The following ARSB variants were observed in gnomAD, a reference collection of about 807,000 sequenced individuals.
ARSB encodes N-acetylgalactosamine-4-sulfatase.
A neutral mutation model predicts 50.9 loss-of-function variants in ARSB; 41 were observed. The ratio of observed to expected loss-of-function variants is 0.81; its 90% CI spans 0.63 to 1.04. The LOEUF (loss-of-function observed/expected upper bound fraction) is 1.04. Ranked by LOEUF, ARSB falls within the 50% of genes least tolerant of loss-of-function variation. The pLI, the probability that ARSB is intolerant of heterozygous loss-of-function variation, is 0.00. For synonymous variants in ARSB, 269 were observed against 284.8 expected (o/e 0.94, Z 0.56); for missense variants, 672 against 693.3 (o/e 0.97, Z 0.35).
intron 1 of ARSB, among the ~76,000 whole-genome samples, chr5:78,975,877 C>T (rs924879011): frequency 6.6e-6 from 1 of 152,110 alleles, no homozygotes; most frequent in African/African-American, 2.4e-5. Context: ...CTCAGAACCA[C>T]TTATCACAAT....
rs1748888442 is a variant in ARSB at position 78,780,366 on chromosome 5, A to C, written c.*31T>G. Reference sequence around the variant, plus strand: ...AGAAAAGGCCTGAGGTCCAACTTCCAATTGAAAGGTTTTCTAGCCTCCCTG... The same window carrying C: ...AGAAAAGGCCTGAGGTCCAACTTCCCATTGAAAGGTTTTCTAGCCTCCCTG... On this transcript the variant is annotated 3_prime_UTR_variant, in exon 8 of 8. Transcript: ENST00000264914. 6.2e-7 allele frequency: 1 copy of C among 1,612,980 alleles called. No homozygotes were observed. The highest frequency in any genetic ancestry group is 8.5e-7 in the Non-Finnish European group (1 of 1,179,968).
intron 6 of ARSB, among the ~76,000 whole-genome samples, chr5:78,822,708 G>C (rs1160551433): frequency 6.6e-6 from 1 of 152,112 alleles, no homozygotes; most frequent in Admixed American, 6.5e-5. Context: ...CGTGATCTCG[G>C]CTTACTGCAA....
At chr5:78,966,027 G>A (rs528280874) in intron 2 of ARSB, among the ~76,000 whole-genome samples, 2 of 152,340 alleles carry the variant, frequency 1.3e-5, no homozygotes, top group African/African-American at 4.8e-5. Context: ...TAGAATGTCA[G>A]AACACTGGAG....
chr5:78,857,327 T>C (rs748028995), intron 5 of ARSB, among the ~76,000 whole-genome samples: 43 of 152,230 alleles, frequency 2.8e-4, no homozygotes, highest in Admixed American at 1.3e-3. Context: ...CTACTCATTA[T>C]AGACTGTATA....
intron 6 of ARSB, among the ~76,000 whole-genome samples, chr5:78,818,791 A>G (rs1256818578): frequency 6.6e-6 from 1 of 151,726 alleles, no homozygotes; most frequent in East Asian, 1.9e-4. Context: ...CATGCTTTTC[A>G]AGTGTCTTGC....
intron 5 of ARSB, chr5:78,884,199 G>A (rs1747895724): frequency 6.6e-6 from 1 of 152,178 alleles, no homozygotes; most frequent in Non-Finnish European, 1.5e-5. Flanking sequence ...TGTGGGTGCA[G>A]TGCTGTCAGA....
intron 5 of ARSB, among the ~76,000 whole-genome samples, chr5:78,852,949 T>C (rs947674261): frequency 2.0e-5 from 3 of 152,216 alleles, no homozygotes; most frequent in Non-Finnish European, 2.9e-5. Flanking sequence ...ATTCTAGTTA[T>C]ACATTCGTCT....
At chr5:78,972,516 T>TACACACACACAC (rs59035274) in intron 1 of ARSB, among the ~76,000 whole-genome samples, 11,987 of 145,526 alleles carry the variant, frequency 0.082, 550 homozygotes, top group African/African-American at 0.12. Context: ...CACGCATACG[T>TACACACACACAC]ACACACACAC....
At chr5:78,983,776 T>TCCC (rs1753021909) in intron 1 of ARSB, among the ~76,000 whole-genome samples, 1 of 152,160 alleles carries the variant, frequency 6.6e-6, no homozygotes, top group African/African-American at 2.4e-5. Flanking sequence ...AAGTAAGCCC[T>TCCC]CCCTTCTCTT....
intron 4 of ARSB, among the ~76,000 whole-genome samples, chr5:78,927,639 C>A (rs573523441): frequency 1.3e-5 from 2 of 152,212 alleles, no homozygotes; most frequent in Non-Finnish European, 2.9e-5. Flanking sequence ...CTTTCACCCA[C>A]CACCAATTCT....
At chr5:78,950,217 A>T (rs187099596) in intron 4 of ARSB, among the ~76,000 whole-genome samples, 1 of 152,254 alleles carries the variant, frequency 6.6e-6, no homozygotes, top group East Asian at 1.9e-4. Context: ...AACAACAAAC[A>T]CAGAACAAGA....
intron 1 of ARSB, among the ~76,000 whole-genome samples, chr5:78,971,206 G>A (rs975993447): frequency 5.3e-5 from 8 of 152,114 alleles, no homozygotes; most frequent in East Asian, 1.9e-4. Context: ...CCCCTGCTGC[G>A]GCATGACAGG....
intron 7 of ARSB, among the ~76,000 whole-genome samples, chr5:78,781,210 G>A (rs16875902): frequency 0.089 from 13,578 of 151,780 alleles, 671 homozygotes; most frequent in Middle Eastern, 0.2. Context: ...TAAATGTGCT[G>A]TGCTTGATAG....
chr5:78,797,574 A>T (rs973971282), intron 6 of ARSB, among the ~76,000 whole-genome samples: 15 of 151,984 alleles, frequency 9.9e-5, no homozygotes, highest in African/African-American at 3.1e-4. Context: ...AACAGGTTCA[A>T]CCTCTTCAGC....
Position 78,914,579 on chromosome 5 carries a change from T to C in ARSB, c.899-28752A>G, listed in dbSNP as rs1749457160. Among the ~76,000 whole-genome samples, 3 of 152,176 alleles carry C rather than the reference T, an allele frequency of 2.0e-5. No homozygotes were observed. In the South Asian group the frequency reaches 6.2e-4, roughly 32 times the overall value. Reference sequence around the variant, plus strand: ...ACCAATCCTTCTCAATGCCACACCTTGTTGGACAGAATGGCCCACGTATCA... The same window carrying C: ...ACCAATCCTTCTCAATGCCACACCTCGTTGGACAGAATGGCCCACGTATCA... On this transcript the variant is annotated intron_variant, in intron 4 of 7. Transcript: ENST00000264914.
At chr5:78,926,626 C>A (rs1017319413) in intron 4 of ARSB, among the ~76,000 whole-genome samples, 3 of 152,168 alleles carry the variant, frequency 2.0e-5, no homozygotes, top group Non-Finnish European at 4.4e-5. Context: ...ACTCCTGCCT[C>A]CAAAGTACAT....
chr5:78,856,391 C>T (rs1746144070), intron 5 of ARSB, among the ~76,000 whole-genome samples: 1 of 152,138 alleles, frequency 6.6e-6, no homozygotes, highest in African/African-American at 2.4e-5. Flanking sequence ...GAAAACAAGT[C>T]CTGGTTTCCC....
intron 5 of ARSB, among the ~76,000 whole-genome samples, chr5:78,853,194 C>G (rs1443564649): frequency 6.6e-6 from 1 of 152,124 alleles, no homozygotes; most frequent in Non-Finnish European, 1.5e-5. Flanking sequence ...GCTTTATCTG[C>G]TTTTGGTCTT....
chr5:78,910,538 A>G (rs1209638551), intron 4 of ARSB, among the ~76,000 whole-genome samples: 1 of 152,258 alleles, frequency 6.6e-6, no homozygotes, highest in East Asian at 1.9e-4. Flanking sequence ...CTAAATTTTC[A>G]GTGTAAAAAT....
Sources: allele counts gnomAD v4.1 joint callset (sites outside exome capture counted in the v4.1 genomes callset), GRCh38; gene constraint gnomAD v4.1.1; transcripts MANE v1.5; gene names NCBI Gene and HGNC (gene_info 2026-07-23, HGNC 2026-07-21).